CDK17: variants seen among roughly 807,000 people sequenced by gnomAD.
CDK17 encodes the protein cyclin dependent kinase 17, also known as cyclin-dependent kinase 17.
Under a neutral mutation model 77.6 loss-of-function variants are expected in CDK17, and 24 were observed. The observed-to-expected ratio is 0.31, with a 90% CI of 0.22 to 0.44. CDK17 has a LOEUF of 0.44. Ranked by LOEUF, CDK17 falls within the 20% of genes least tolerant of loss-of-function variation. The pLI is 1.00. For missense variants in CDK17, 429 were observed against 622.5 expected (o/e 0.69, Z 3.31); for synonymous variants, 203 against 210.4 (o/e 0.96, Z 0.30).
rs1952242947 is a variant in CDK17 at position 96,286,080 on chromosome 12, T to C, written c.1285A>G (p.Lys429Glu). The C allele has an allele frequency of 1.3e-6, 2 of 1,561,544 alleles. No individual in the cohort carries two copies. Among genetic ancestry groups the C allele is most frequent in the Non-Finnish European group, 1.7e-6 (2 of 1,151,204 alleles). The stretch of plus-strand genomic sequence containing the variant: ...TTAATTAGAGGCTGTGGTTTATATT[T>C]TGGAAAGTTGTAGTTCTTGAACTCC... ...NEEFKNYNFP[K>E]YKPQPLINHA... The change falls in exon 13 of 17, where the codon AAA becomes GAA. Residue 429 changes from lysine to glutamate, a missense_variant. Around this residue, in one of 4 missense-constraint regions of CDK17, gnomAD observed 115 missense variants for 124.2 expected, o/e 0.93. Transcript: ENST00000261211.
intron 9 of CDK17, among the ~76,000 whole-genome samples, chr12:96,295,707 G>A (rs1228162878): frequency 6.6e-6 from 1 of 152,100 alleles, no homozygotes; most frequent in East Asian, 1.9e-4. Flanking sequence ...CATCTCTTGG[G>A]TACTTTACTT....
chr12:96,327,845 C>A (rs191794354), intron 2 of CDK17, among the ~76,000 whole-genome samples: 2 of 152,242 alleles, frequency 1.3e-5, no homozygotes, highest in African/African-American at 2.4e-5. Flanking sequence ...CCATGCCTAG[C>A]CCCAAAATAT....
intron 1 of CDK17, among the ~76,000 whole-genome samples, chr12:96,372,174 A>G (rs1186051508): frequency 6.6e-6 from 1 of 152,182 alleles, no homozygotes; most frequent in Non-Finnish European, 1.5e-5. Flanking sequence ...AAATTCTACT[A>G]AGTAGTGGCC....
intron 1 of CDK17, among the ~76,000 whole-genome samples, chr12:96,356,578 T>A (rs2137180994): frequency 6.6e-6 from 1 of 152,206 alleles, no homozygotes; most frequent in East Asian, 1.9e-4. Context: ...GTCTTAAAAT[T>A]TAATTGGCTG....
chr12:96,355,414 TTTTTTTTG>T (rs1953379119), intron 1 of CDK17, among the ~76,000 whole-genome samples: 1 of 143,416 alleles, frequency 7.0e-6, no homozygotes, highest in African/African-American at 2.6e-5. Flanking sequence ...TTTTTTTTTT[TTTTTTTTG>T]GAGATGGAGT....
intron 2 of CDK17, among the ~76,000 whole-genome samples, chr12:96,326,871 T>C (rs1327142708): frequency 2.0e-5 from 3 of 152,324 alleles, no homozygotes; most frequent in East Asian, 3.9e-4. Flanking sequence ...TTCAACACTT[T>C]ATACTTCACC....
At chr12:96,313,294 G>A in intron 4 of CDK17, 27 bp downstream of exon 4, 1 of 1,545,190 alleles carries the variant, frequency 6.5e-7, no homozygotes, top group Non-Finnish European at 8.7e-7. Context: ...ATATTCACAA[G>A]TATATTTGTA....
At chr12:96,284,957 G>A (rs1032376444) in intron 13 of CDK17, among the ~76,000 whole-genome samples, 1 of 152,116 alleles carries the variant, frequency 6.6e-6, no homozygotes, top group African/African-American at 2.4e-5. Context: ...TATGAATAAG[G>A]TAACGTTTTT....
intron 1 of CDK17, among the ~76,000 whole-genome samples, chr12:96,341,531 A>T (rs964576141): frequency 2.0e-5 from 3 of 152,256 alleles, no homozygotes; most frequent in African/African-American, 7.2e-5. Context: ...GTTATCAACA[A>T]TAAGTACATA....
chr12:96,386,555 G>T (rs1021105084), intron 1 of CDK17, among the ~76,000 whole-genome samples: 1 of 152,090 alleles, frequency 6.6e-6, no homozygotes, highest in Non-Finnish European at 1.5e-5. Context: ...CTACTCAGGA[G>T]GCTTAAGTGG....
chr12:96,368,880 C>T (rs1327209011), intron 1 of CDK17, among the ~76,000 whole-genome samples: 1 of 134,232 alleles, frequency 7.4e-6, no homozygotes, highest in Non-Finnish European at 1.5e-5. Context: ...TAGGTAACTA[C>T]AAAGTCTTCT....
chr12:96,382,709 TGAA>T (rs1326058770), intron 1 of CDK17, among the ~76,000 whole-genome samples: 1 of 152,164 alleles, frequency 6.6e-6, no homozygotes, highest in African/African-American at 2.4e-5. Context: ...CTTCAACACA[TGAA>T]AACAATAAAT....
chr12:96,355,854 A>G (rs1275001992), intron 1 of CDK17, among the ~76,000 whole-genome samples: 1 of 152,232 alleles, frequency 6.6e-6, no homozygotes, highest in Non-Finnish European at 1.5e-5. Context: ...GAATGAAGGA[A>G]TGATAGCAAA....
At chr12:96,297,183 G>C in intron 9 of CDK17, 87 bp downstream of exon 9, 1 of 744,584 alleles carries the variant, frequency 1.3e-6, no homozygotes. Context: ...CCCTGAAGAA[G>C]AGTTATGAGG....
intron 2 of CDK17, among the ~76,000 whole-genome samples, chr12:96,331,348 A>G (rs1952963903): frequency 6.6e-6 from 1 of 152,216 alleles, no homozygotes; most frequent in Admixed American, 6.5e-5. Flanking sequence ...ACAGAAAAAA[A>G]TATTTTGTAC....
chr12:96,309,320 C>T (rs1431001015), intron 5 of CDK17, among the ~76,000 whole-genome samples: 1 of 152,212 alleles, frequency 6.6e-6, no homozygotes, highest in East Asian at 1.9e-4. Context: ...GCCCATCCTT[C>T]TAGGACCAGC....
chr12:96,390,744 G>GA (rs1482866457), intron 1 of CDK17, among the ~76,000 whole-genome samples: 3 of 137,152 alleles, frequency 2.2e-5, no homozygotes, highest in African/African-American at 5.3e-5. Context: ...AAAAGAAAAA[G>GA]AAAAAAAATC....
chr12:96,383,556 T>G (rs185439811), intron 1 of CDK17, among the ~76,000 whole-genome samples: 1 of 152,270 alleles, frequency 6.6e-6, no homozygotes, highest in East Asian at 1.9e-4. Flanking sequence ...AGCATGGTAC[T>G]GATACAAAAA....
intron 1 of CDK17, among the ~76,000 whole-genome samples, chr12:96,370,140 T>C (rs1261379160): frequency 1.3e-5 from 2 of 152,220 alleles, no homozygotes; most frequent in African/African-American, 4.8e-5. Context: ...TCTGCAAATT[T>C]AACCAAAATG....
Sources: allele counts gnomAD v4.1 joint callset (sites outside exome capture counted in the v4.1 genomes callset), GRCh38; gene constraint gnomAD v4.1.1; regional missense constraint gnomAD v4.1.1; transcripts MANE v1.5; gene names NCBI Gene and HGNC (gene_info 2026-07-23, HGNC 2026-07-21).